Variants in AK5 observed in about 807,000 individuals in gnomAD.
AK5 encodes adenylate kinase 5.
Under a neutral mutation model 69.5 loss-of-function variants are expected in AK5, and 27 were observed. That is an observed-to-expected ratio of 0.39 (90% CI 0.29 to 0.54). The LOEUF (loss-of-function observed/expected upper bound fraction) is 0.54, where lower values mean the gene tolerates loss of function less well. AK5 is among the 20% of genes least tolerant of loss of function. The pLI, the probability that AK5 is intolerant of heterozygous loss-of-function variation, is 0.71. For missense variants in AK5, 531 were observed against 700.4 expected (o/e 0.76, Z 2.73); for synonymous variants, 260 against 244.4 (o/e 1.06, Z -0.60).
At chr1:77,317,926 A>G (rs1363396127) in intron 5 of AK5, among the ~76,000 whole-genome samples, 1 of 152,238 alleles carries the variant, frequency 6.6e-6, no homozygotes, top group Admixed American at 6.5e-5. Flanking sequence ...GTTTATTCTT[A>G]AACACATTAG....
intron 5 of AK5, among the ~76,000 whole-genome samples, chr1:77,327,468 C>G (rs75045010): frequency 0.02 from 3,051 of 152,028 alleles, 34 homozygotes; most frequent in Non-Finnish European, 0.033. Context: ...AAGAAAATCT[C>G]TGCAGTGATT....
intron 5 of AK5, among the ~76,000 whole-genome samples, chr1:77,329,493 T>A (rs1660980368): frequency 6.6e-6 from 1 of 152,154 alleles, no homozygotes; most frequent in Non-Finnish European, 1.5e-5. Context: ...ACTCCTGGGC[T>A]GAACTGATCA....
chr1:77,472,792 TTCTTCTG>T (rs1654604216), intron 8 of AK5, among the ~76,000 whole-genome samples: 1 of 99,746 alleles, frequency 1.0e-5, no homozygotes. Flanking sequence ...GATGAGGCAA[TTCTTCTG>T]GAGGCTCTAG....
chr1:77,497,194 C>T (rs1231512020), intron 10 of AK5, among the ~76,000 whole-genome samples: 1 of 152,054 alleles, frequency 6.6e-6, no homozygotes, highest in Non-Finnish European at 1.5e-5. Context: ...ACGTGCCACC[C>T]TTAAGAGCTG....
At chr1:77,337,970 T>TC (rs1420603255) in intron 5 of AK5, among the ~76,000 whole-genome samples, 2 of 150,862 alleles carry the variant, frequency 1.3e-5, no homozygotes, top group East Asian at 1.9e-4. Flanking sequence ...TTTTTATTTT[T>TC]TTTTTTTTTT....
chr1:77,405,286 G>C (rs565647503), intron 6 of AK5, among the ~76,000 whole-genome samples: 1 of 152,246 alleles, frequency 6.6e-6, no homozygotes, highest in South Asian at 2.1e-4. Context: ...CTCAAAGTCA[G>C]ACAGCTGCTA....
chr1:77,483,612 G>A (rs1265097856), intron 9 of AK5, among the ~76,000 whole-genome samples: 2 of 152,090 alleles, frequency 1.3e-5, no homozygotes, highest in East Asian at 1.9e-4. Context: ...TCAGCGAAAA[G>A]AGGATGCTCT....
rs2100654351 is a variant in AK5, at chr1:77,293,779, T to G, written c.248-14T>G. On this transcript the variant is annotated splice_polypyrimidine_tract_variant and intron_variant, in intron 2 of 13. Coordinates refer to ENST00000354567, the MANE Select transcript of AK5 (RefSeq NM_174858.3). ...GTGTTTTTTCCTTTTCAAAGTTATC[T>G]TACTCTTTTGCAGTAATGCCTGAAA... 1 of 1,583,212 alleles carries G rather than the reference T, an allele frequency of 6.3e-7. No individual in the cohort carries two copies.
At chr1:77,492,167 C>T (rs1656041572) in intron 10 of AK5, among the ~76,000 whole-genome samples, 1 of 152,144 alleles carries the variant, frequency 6.6e-6, no homozygotes, top group Admixed American at 6.5e-5. Flanking sequence ...GGGCCTTATG[C>T]GTATTTCCCA....
At chr1:77,423,076 C>T (rs1296178230) in intron 8 of AK5, among the ~76,000 whole-genome samples, 1 of 152,016 alleles carries the variant, frequency 6.6e-6, no homozygotes, top group South Asian at 2.1e-4. Flanking sequence ...AAAAAATTAG[C>T]CGGGCGTGGT....
intron 13 of AK5, among the ~76,000 whole-genome samples, chr1:77,551,919 G>T (rs566982258): frequency 3.3e-5 from 5 of 152,114 alleles, no homozygotes; most frequent in Non-Finnish European, 7.4e-5. Context: ...TAATGACCTC[G>T]TGCTCATGGA....
At chr1:77,445,436 A>G (rs544273432) in intron 8 of AK5, among the ~76,000 whole-genome samples, 52 of 152,118 alleles carry the variant, frequency 3.4e-4, no homozygotes, top group Non-Finnish European at 6.3e-4. Flanking sequence ...TCTTTGGAGA[A>G]ATGTCTATCC....
chr1:77,489,346 G>C (rs1449875294), intron 10 of AK5, among the ~76,000 whole-genome samples: 1 of 152,148 alleles, frequency 6.6e-6, no homozygotes, highest in Non-Finnish European at 1.5e-5. Flanking sequence ...TCAGCTTGCT[G>C]TTTGGGCCAT....
chr1:77,380,107 CAA>C (rs1647527676), intron 6 of AK5, among the ~76,000 whole-genome samples: 2 of 152,160 alleles, frequency 1.3e-5, no homozygotes, highest in South Asian at 4.1e-4. Flanking sequence ...AGCTGAAATG[CAA>C]AGACACGAGA....
intron 12 of AK5, among the ~76,000 whole-genome samples, chr1:77,531,068 G>A (rs1245264200): frequency 6.6e-5 from 10 of 152,136 alleles, no homozygotes; most frequent in Admixed American, 5.2e-4. Context: ...GAATGAAGCC[G>A]TGGACCCTCG....
At chr1:77,297,782 T>C (rs1308899727) in intron 4 of AK5, 52 bp from the exon 5 acceptor site, 4 of 1,605,578 alleles carry the variant, frequency 2.5e-6, no homozygotes, top group Middle Eastern at 1.7e-4. Context: ...ACCGATTGAG[T>C]ATACTAAGTT....
chr1:77,466,452 T>C (rs1026293503), intron 8 of AK5, among the ~76,000 whole-genome samples: 20 of 152,290 alleles, frequency 1.3e-4, no homozygotes, highest in Non-Finnish European at 2.2e-4. Context: ...TAATCTGCCA[T>C]TGCACCCCCA....
intron 11 of AK5, 30 bp downstream of exon 11, chr1:77,518,757 G>A: frequency 1.2e-6 from 2 of 1,608,772 alleles, no homozygotes; most frequent in Non-Finnish European, 1.7e-6. Context: ...CCACATTACT[G>A]CCTTTCCTGT....
chr1:77,297,306 T>A (rs1659066772), intron 3 of AK5, among the ~76,000 whole-genome samples: 1 of 152,198 alleles, frequency 6.6e-6, no homozygotes, highest in Non-Finnish European at 1.5e-5. Flanking sequence ...TTTTTTTAAT[T>A]AGCTATTTGC....
Sources: gnomAD v4.1 joint callset for allele counts (sites outside exome capture counted in the v4.1 genomes callset) on GRCh38, gnomAD v4.1.1 for gene constraint, MANE v1.5 for transcripts, NCBI Gene and HGNC (gene_info 2026-07-23, HGNC 2026-07-21) for gene names.